Variants in FAM178B observed in about 807,000 individuals in gnomAD.
FAM178B encodes protein FAM178B.
In FAM178B, 82 loss-of-function variants were observed where a neutral mutation model predicts 91.7. The ratio of observed to expected loss-of-function variants is 0.89; its 90% confidence interval spans 0.75 to 1.07. The LOEUF is 1.07. Among genes scored for constraint, FAM178B ranks in the 50% least tolerant of loss-of-function variants. FAM178B has a pLI of 0.00. For missense variants in FAM178B, 769 were observed against 846.7 expected (o/e 0.91, Z 1.14); for synonymous variants, 368 against 359.4 (o/e 1.02, Z -0.27).
rs967977848 is a variant in FAM178B at position 96,960,296 on chromosome 2, C to A, written c.879G>T (p.Leu293=). ...CTCCTCCCCACACTTACCTGAGGAA[C>A]AGCCCTTCCAGGTGGCTGCGTGGCT... ...LLKPRSHLEG[L]FLSSPPAQQL... is the part of the protein sequence containing the mutation. Residue 293 remains leucine (L), a synonymous_variant, in exon 6 of 17, where the codon CTG becomes CTT. Transcript: ENST00000490605. 1 of 1,551,724 alleles carries A rather than the reference C, an allele frequency of 6.4e-7. No homozygotes were observed. The highest frequency in any genetic ancestry group is 8.7e-7 in the Non-Finnish European group (1 of 1,146,990).
intron 1 of FAM178B, among the ~76,000 whole-genome samples, chr2:96,975,257 T>C (rs1413467338): frequency 1.3e-5 from 2 of 152,162 alleles, no homozygotes; most frequent in African/African-American, 4.8e-5. Flanking sequence ...ATGCACTATG[T>C]ATAGTTATGT....
At chr2:96,951,288 G>T in intron 7 of FAM178B, 91 bp downstream of exon 7, 1 of 886,818 alleles carries the variant, frequency 1.1e-6, no homozygotes, top group Non-Finnish European at 1.8e-6. Flanking sequence ...AAGGCAAGAA[G>T]AGGTGAAGTG....
intron 8 of FAM178B, among the ~76,000 whole-genome samples, chr2:96,938,172 A>G (rs2081664603): frequency 6.6e-6 from 1 of 152,194 alleles, no homozygotes; most frequent in South Asian, 2.1e-4. Context: ...CTCCTGCAAG[A>G]GGTCTGTGCA....
chr2:96,894,081 CAG>C, intron 13 of FAM178B, 30 bp from the exon 14 acceptor site: 1 of 1,582,844 alleles, frequency 6.3e-7, no homozygotes, highest in Non-Finnish European at 8.6e-7. Flanking sequence ...CTGTCACTCA[CAG>C]AGGGTGGTGG....
intron 8 of FAM178B, among the ~76,000 whole-genome samples, chr2:96,941,111 G>C (rs1362653207): frequency 1.3e-5 from 2 of 152,346 alleles, no homozygotes; most frequent in South Asian, 4.1e-4. Context: ...GATGAAATGT[G>C]TATTGTGTAT....
chr2:96,985,518 TTC>T (rs1216373109), intron 1 of FAM178B, among the ~76,000 whole-genome samples: 2 of 152,234 alleles, frequency 1.3e-5, no homozygotes, highest in East Asian at 3.8e-4. Flanking sequence ...AGTTTTTTTG[TTC>T]TTTTACTTTC....
intron 13 of FAM178B, among the ~76,000 whole-genome samples, chr2:96,895,779 C>T (rs969417646): frequency 1.8e-4 from 27 of 152,364 alleles, no homozygotes; most frequent in Non-Finnish European, 3.2e-4. Flanking sequence ...CCCAGCCCCC[C>T]TCTTGAGCTT....
At chr2:96,908,781 CAAT>C (rs10545558) in intron 12 of FAM178B, among the ~76,000 whole-genome samples, 8,678 of 152,220 alleles carry the variant, frequency 0.057, 823 homozygotes, top group African/African-American at 0.2. Flanking sequence ...TACACATGAA[CAAT>C]CATACCAACT....
chr2:96,959,237 A>G (rs1439451522), intron 6 of FAM178B, among the ~76,000 whole-genome samples: 1 of 149,464 alleles, frequency 6.7e-6, no homozygotes, highest in Non-Finnish European at 1.5e-5. Context: ...GTAATCCTGC[A>G]ATAATGGTGT....
At chr2:96,889,976 T>TAAAAAA (rs11457991) in intron 14 of FAM178B, among the ~76,000 whole-genome samples, 200 of 141,412 alleles carry the variant, frequency 1.4e-3, no homozygotes, top group African/African-American at 5.1e-3. Flanking sequence ...CCATCTTTAT[T>TAAAAAA]AAAAAAAAAA....
chr2:96,986,407 G>A lies in FAM178B; in HGVS notation c.-94C>T, dbSNP rs1241238518. The A allele has an allele frequency of 6.9e-7, 1 of 1,445,068 alleles. No individual in the cohort carries two copies. The highest frequency in any genetic ancestry group is 9.2e-7 in the Non-Finnish European group (1 of 1,092,748). 89.5% of individuals were successfully genotyped at this position (1,445,068 alleles called of 1,614,324 possible). On this transcript the variant is annotated 5_prime_UTR_variant, in exon 1 of 17. Coordinates refer to ENST00000490605, the MANE Select transcript of FAM178B (RefSeq NM_001122646.3). ...GCCAGCTAGCCGGGAAAGGAAGCAG[G>A]AGCAGGCTCCCCAGGCGGCGCAGTG...
At chr2:96,965,024 G>A (rs1269496294) in intron 5 of FAM178B, among the ~76,000 whole-genome samples, 1 of 152,138 alleles carries the variant, frequency 6.6e-6, no homozygotes, top group Admixed American at 6.5e-5. Flanking sequence ...TTTTGAGACG[G>A]AGTCTCGCTC....
chr2:96,949,475 G>GC (rs1480654340), intron 7 of FAM178B, among the ~76,000 whole-genome samples: 1 of 152,194 alleles, frequency 6.6e-6, no homozygotes, highest in Non-Finnish European at 1.5e-5. Context: ...GGAGACAGCA[G>GC]CAGAGGCCAG....
chr2:96,963,110 T>C (rs1048007586), intron 5 of FAM178B, among the ~76,000 whole-genome samples: 1 of 152,218 alleles, frequency 6.6e-6, no homozygotes, highest in Non-Finnish European at 1.5e-5. Context: ...CAGGACTACC[T>C]TCTGCGTTAA....
chr2:96,891,305 A>G (rs1264474453), intron 14 of FAM178B, among the ~76,000 whole-genome samples: 1 of 152,326 alleles, frequency 6.6e-6, no homozygotes, highest in East Asian at 1.9e-4. Context: ...TCTTTAGTCC[A>G]GAGCCTCCTG....
At chr2:96,902,034 G>A (rs1280308831) in intron 13 of FAM178B, among the ~76,000 whole-genome samples, 1 of 151,790 alleles carries the variant, frequency 6.6e-6, no homozygotes, top group Non-Finnish European at 1.5e-5. Context: ...CCTGATCTCA[G>A]GCGATCCCGC....
At chr2:96,952,204 C>T (rs1796026) in intron 6 of FAM178B, among the ~76,000 whole-genome samples, 1 of 152,182 alleles carries the variant, frequency 6.6e-6, no homozygotes, top group South Asian at 2.1e-4. Context: ...CAGCGTCTCG[C>T]GATCTGGTTA....
Position 96,936,363 on chromosome 2 carries a change from G to A in FAM178B, c.1079-7043C>T, listed in dbSNP as rs1340253088. On this transcript the variant is annotated intron_variant, in intron 8 of 16. Transcript: ENST00000490605. Reference sequence around the variant, plus strand: ...ACTACAGGCGCCCGCCACCACGCCCGGCTAAGTTTTTGTATTTTTAGTAGA... The same window carrying A: ...ACTACAGGCGCCCGCCACCACGCCCAGCTAAGTTTTTGTATTTTTAGTAGA... Among the ~76,000 whole-genome samples, 23 of 107,064 alleles carry A rather than the reference G, an allele frequency of 2.1e-4. No homozygotes were observed. In the East Asian group the frequency reaches 3.3e-3, roughly 15 times the overall value. The allele number at this position is 107,064 out of a possible 152,430, so 70.2% of individuals were successfully genotyped here.
At position 96,971,944 on chromosome 2, in the gene FAM178B, A is replaced by G; in HGVS notation, c.521T>C (p.Phe174Ser). Residue 174 changes from phenylalanine to serine, a missense_variant, in exon 3 of 17, where the codon TTC (phenylalanine) becomes TCC (serine). Physicochemically the swap from Phe to Ser is radical, Grantham distance 155 (BLOSUM62 -2). Transcript: ENST00000490605. ...KRGLALPEKL[F>S]WNTSGLSQQA... Reference sequence around the variant, plus strand: ...CTGGCTCAGGCCTGACGTGTTCCAGAACAGCTTCTCTGGCAAGGCCAGGCC... The same window carrying G: ...CTGGCTCAGGCCTGACGTGTTCCAGGACAGCTTCTCTGGCAAGGCCAGGCC... 1 of 1,543,348 alleles carries G rather than the reference A, an allele frequency of 6.5e-7. No individual in the cohort carries two copies. Among genetic ancestry groups the G allele is most frequent in the Non-Finnish European group, 8.7e-7 (1 of 1,143,748 alleles).
Sources: gnomAD v4.1 joint callset for allele counts (sites outside exome capture counted in the v4.1 genomes callset) on GRCh38, gnomAD v4.1.1 for gene constraint, MANE v1.5 for transcripts, NCBI Gene and HGNC (gene_info 2026-07-23, HGNC 2026-07-21) for gene names.